Variants in SLC24A2 observed in about 807,000 individuals in gnomAD.
SLC24A2 encodes solute carrier family 24 member 2, also known as sodium/potassium/calcium exchanger 2.
Under a neutral mutation model 62.0 loss-of-function variants are expected in SLC24A2, and 36 were observed. The ratio of observed to expected loss-of-function variants is 0.58; its 90% CI spans 0.44 to 0.77. The LOEUF (loss-of-function observed/expected upper bound fraction) is 0.77. Ranked by LOEUF, SLC24A2 falls within the 30% of genes least tolerant of loss-of-function variation. The pLI, the probability that SLC24A2 is intolerant of heterozygous loss-of-function variation, is 0.00. For synonymous variants in SLC24A2, 358 were observed against 294.0 expected (o/e 1.22, Z -2.23); for missense variants, 846 against 817.9 (o/e 1.03, Z -0.42).
chr9:19,609,201 C>T (rs537040117), intron 4 of SLC24A2, among the ~76,000 whole-genome samples: 1 of 152,372 alleles, frequency 6.6e-6, no homozygotes, highest in South Asian at 2.1e-4. Context: ...TGAATGTGCG[C>T]TCTCACTGCT....
chr9:19,729,164 C>T (rs1419413872), intron 2 of SLC24A2, among the ~76,000 whole-genome samples: 2 of 152,124 alleles, frequency 1.3e-5, no homozygotes, highest in African/African-American at 2.4e-5. Context: ...CAGGGAAACG[C>T]AGATCAAAAC....
chr9:19,929,820 A>G, the SLC24A2 span: 2 of 152,220 alleles, frequency 1.3e-5, no homozygotes, highest in African/African-American at 2.4e-5. Flanking sequence ...GTAGAGGTGG[A>G]AGACAATTAT....
At chr9:20,034,727 C>G in the SLC24A2 span, among the ~76,000 whole-genome samples, 7 of 152,188 alleles carry the variant, frequency 4.6e-5, no homozygotes, top group African/African-American at 1.4e-4. Context: ...CTTGACCTCC[C>G]AAAGTGCTGG....
the SLC24A2 span, among the ~76,000 whole-genome samples, chr9:20,218,343 G>C: frequency 6.6e-6 from 1 of 152,202 alleles, no homozygotes; most frequent in East Asian, 1.9e-4. Context: ...TCTATAATTA[G>C]ACTTTTCTGT....
the SLC24A2 span, among the ~76,000 whole-genome samples, chr9:19,984,678 C>T: frequency 0.015 from 2,213 of 152,258 alleles, 50 homozygotes; most frequent in African/African-American, 0.05. Flanking sequence ...TACATGCCAG[C>T]CTGGGCAATG....
the SLC24A2 span, among the ~76,000 whole-genome samples, chr9:20,211,278 C>A: frequency 8.5e-5 from 13 of 152,176 alleles, no homozygotes; most frequent in East Asian, 5.8e-4. Context: ...TTTGAGAGGC[C>A]AAGGCAGGTG....
chr9:19,630,826 A>G (rs1818158830), intron 2 of SLC24A2, among the ~76,000 whole-genome samples: 1 of 152,224 alleles, frequency 6.6e-6, no homozygotes, highest in Non-Finnish European at 1.5e-5. Flanking sequence ...TATCAAGCAT[A>G]CAACACTTTC....
intron 2 of SLC24A2, among the ~76,000 whole-genome samples, chr9:19,739,429 T>C (rs1193763543): frequency 6.6e-6 from 1 of 152,178 alleles, no homozygotes. Context: ...ATGTATACCA[T>C]CAGATATCTC....
the SLC24A2 span, among the ~76,000 whole-genome samples, chr9:20,089,661 C>T: frequency 6.6e-6 from 1 of 151,944 alleles, no homozygotes; most frequent in African/African-American, 2.4e-5. Context: ...TGGGGAGAGG[C>T]TCCCAGAGGC....
chr9:19,687,172 T>C (rs1482495456), intron 2 of SLC24A2, among the ~76,000 whole-genome samples: 1 of 152,044 alleles, frequency 6.6e-6, no homozygotes, highest in Non-Finnish European at 1.5e-5. Flanking sequence ...AAGCTACCTA[T>C]TGGGTACTAT....
the SLC24A2 span, among the ~76,000 whole-genome samples, chr9:20,263,874 C>CG: frequency 7.9e-6 from 1 of 127,084 alleles, no homozygotes; most frequent in Non-Finnish European, 1.7e-5. Flanking sequence ...CCCCCCCCCC[C>CG]ATTAAGGCTC....
chr9:19,555,538 G>A (rs966792643), intron 7 of SLC24A2, among the ~76,000 whole-genome samples: 5 of 152,188 alleles, frequency 3.3e-5, no homozygotes, highest in African/African-American at 1.2e-4. Context: ...TTCCTCAGAT[G>A]TATTTTTGTA....
At chr9:19,829,236 T>C in the SLC24A2 span, among the ~76,000 whole-genome samples, 1 of 152,144 alleles carries the variant, frequency 6.6e-6, no homozygotes, top group African/African-American at 2.4e-5. Context: ...CAAGACTCTT[T>C]CTATGAAGTC....
chr9:19,735,097 T>C (rs77573265), intron 2 of SLC24A2, among the ~76,000 whole-genome samples: 110 of 152,236 alleles, frequency 7.2e-4, no homozygotes, highest in African/African-American at 2.5e-3. Context: ...GAGAAAATTT[T>C]TGCAATCTAT....
chr9:19,922,240 G>T, the SLC24A2 span, among the ~76,000 whole-genome samples: 2 of 152,166 alleles, frequency 1.3e-5, no homozygotes, highest in Non-Finnish European at 2.9e-5. Context: ...AATAGCTTCA[G>T]GGAATTCTAT....
At chr9:19,855,626 T>C in the SLC24A2 span, among the ~76,000 whole-genome samples, 1 of 152,232 alleles carries the variant, frequency 6.6e-6, no homozygotes, top group African/African-American at 2.4e-5. Flanking sequence ...CCCCAATCTC[T>C]TCTGGCTTGT....
At chr9:19,592,769 G>C (rs893987602) in intron 5 of SLC24A2, among the ~76,000 whole-genome samples, 1 of 152,134 alleles carries the variant, frequency 6.6e-6, no homozygotes, top group Non-Finnish European at 1.5e-5. Context: ...AGTAAGAATG[G>C]TATGAAATTT....
chr9:19,735,752 G>T (rs556477491), intron 2 of SLC24A2, among the ~76,000 whole-genome samples: 1 of 151,352 alleles, frequency 6.6e-6, no homozygotes, highest in African/African-American at 2.4e-5. Context: ...GCAAACTATC[G>T]CAAGGACAAA....
chr9:20,057,036 G>A, the SLC24A2 span, among the ~76,000 whole-genome samples: 1,563 of 152,286 alleles, frequency 0.01, 32 homozygotes, highest in African/African-American at 0.035. Flanking sequence ...GGAAAGTACA[G>A]ACATAATTTT....
Sources: allele counts gnomAD v4.1 joint callset (sites outside exome capture counted in the v4.1 genomes callset), GRCh38; gene constraint gnomAD v4.1.1; transcripts MANE v1.5; gene names NCBI Gene and HGNC (gene_info 2026-07-23, HGNC 2026-07-21).